The following EML1 variants were observed in gnomAD, a reference collection of about 807,000 sequenced individuals.
EML1 encodes EMAP like 1.
Under a neutral mutation model 110.4 loss-of-function variants are expected in EML1, and 27 were observed. The ratio of observed to expected loss-of-function variants is 0.24; its 90% CI spans 0.18 to 0.34. The LOEUF is 0.34. EML1 is among the 10% of genes least tolerant of loss of function. The pLI, the probability that EML1 is intolerant of heterozygous loss-of-function variation, is 1.00. For synonymous variants in EML1, 344 were observed against 385.8 expected (o/e 0.89, Z 1.27); for missense variants, 741 against 1,030.9 (o/e 0.72, Z 3.85).
chr14:99,871,769 A>G (rs565178796), intron 3 of EML1, among the ~76,000 whole-genome samples: 1 of 152,320 alleles, frequency 6.6e-6, no homozygotes, highest in Admixed American at 6.5e-5. Flanking sequence ...TACTGCCAAA[A>G]TAGTAGTTTC....
intron 1 of EML1, among the ~76,000 whole-genome samples, chr14:99,816,568 A>G (rs2058171442): frequency 6.6e-6 from 1 of 152,232 alleles, no homozygotes; most frequent in South Asian, 2.1e-4. Flanking sequence ...TGCTTCACTC[A>G]GCTCGCCTGG....
At chr14:99,927,647 T>G (rs1244789996) in intron 17 of EML1, among the ~76,000 whole-genome samples, 1 of 151,876 alleles carries the variant, frequency 6.6e-6, no homozygotes, top group Non-Finnish European at 1.5e-5. Flanking sequence ...TACCCAGTGG[T>G]AGAGTTCATA....
At chr14:99,901,910 G>A (rs575951917) in intron 9 of EML1, among the ~76,000 whole-genome samples, 1 of 152,134 alleles carries the variant, frequency 6.6e-6, no homozygotes, top group Non-Finnish European at 1.5e-5. Flanking sequence ...AGTTGCTCTG[G>A]TTCAAATGCC....
At chr14:99,793,842 G>C (rs931740763) in intron 1 of EML1, among the ~76,000 whole-genome samples, 10 of 150,650 alleles carry the variant, frequency 6.6e-5, no homozygotes, top group Non-Finnish European at 1.5e-4. Context: ...GGAGGCGCGT[G>C]GGGCACAGGG....
chr14:99,884,144 G>A (rs2059434708), intron 4 of EML1, among the ~76,000 whole-genome samples: 1 of 152,192 alleles, frequency 6.6e-6, no homozygotes, highest in Non-Finnish European at 1.5e-5. Flanking sequence ...GAGCTGGTCT[G>A]CGGTCGGCTC....
At chr14:99,823,447 G>A (rs1296128451) in intron 1 of EML1, among the ~76,000 whole-genome samples, 4 of 152,050 alleles carry the variant, frequency 2.6e-5, no homozygotes, top group South Asian at 2.1e-4. Flanking sequence ...GGGTCTGGAC[G>A]TCCTCTCTGA....
At chr14:99,903,877 G>A (rs898901345) in intron 9 of EML1, among the ~76,000 whole-genome samples, 9 of 149,518 alleles carry the variant, frequency 6.0e-5, no homozygotes, top group East Asian at 2.0e-4. Flanking sequence ...TCCACCTCCC[G>A]GGTTCAAGCA....
chr14:99,819,343 C>T (rs1218949259), intron 1 of EML1, among the ~76,000 whole-genome samples: 3 of 152,202 alleles, frequency 2.0e-5, no homozygotes, highest in African/African-American at 7.2e-5. Context: ...TGAGCTCACA[C>T]AGACTTTAGG....
intron 2 of EML1, among the ~76,000 whole-genome samples, chr14:99,856,207 T>C (rs2058899718): frequency 6.6e-6 from 1 of 152,242 alleles, no homozygotes; most frequent in Admixed American, 6.5e-5. Context: ...CCGGCTGGCA[T>C]GTTCTTTCTG....
intron 4 of EML1, among the ~76,000 whole-genome samples, chr14:99,890,143 A>G (rs1360712247): frequency 6.6e-6 from 1 of 152,214 alleles, no homozygotes; most frequent in Non-Finnish European, 1.5e-5. Flanking sequence ...ATACACACAC[A>G]CACAAAATGC....
intron 1 of EML1, among the ~76,000 whole-genome samples, chr14:99,744,714 T>C (rs761519976): frequency 6.6e-6 from 1 of 152,254 alleles, no homozygotes; most frequent in African/African-American, 2.4e-5. Context: ...CCCACGGAGT[T>C]GCATTTGCAT....
At chr14:99,760,451 A>G (rs189180871) in intron 1 of EML1, among the ~76,000 whole-genome samples, 50 of 152,290 alleles carry the variant, frequency 3.3e-4, no homozygotes, top group Middle Eastern at 3.4e-3. Context: ...AGTGAAATGT[A>G]CTGGCTTTCG....
intron 4 of EML1, among the ~76,000 whole-genome samples, chr14:99,890,471 C>G (rs1352399550): frequency 6.6e-6 from 1 of 152,200 alleles, no homozygotes; most frequent in African/African-American, 2.4e-5. Context: ...GGCCGCCTCT[C>G]CTTCTGCCCC....
intron 3 of EML1, chr14:99,874,863 A>C (rs950641579): frequency 6.1e-6 from 9 of 1,464,620 alleles, no homozygotes; most frequent in Non-Finnish European, 8.4e-6. Flanking sequence ...TTATCAAAAT[A>C]CTTTTCCACG....
chr14:99,902,976 C>T (rs1316278685), intron 9 of EML1, among the ~76,000 whole-genome samples: 2 of 152,206 alleles, frequency 1.3e-5, no homozygotes, highest in Admixed American at 1.3e-4. Context: ...CCAGTTTCTC[C>T]AGTTGTGTCC....
At chr14:99,801,398 G>T (rs948611465) in intron 1 of EML1, among the ~76,000 whole-genome samples, 4 of 152,130 alleles carry the variant, frequency 2.6e-5, no homozygotes, top group Non-Finnish European at 4.4e-5. Context: ...GGCGGATCAT[G>T]AGGTCAGGAG....
chr14:99,797,109 A>G (rs1276093671), intron 1 of EML1, among the ~76,000 whole-genome samples: 2 of 152,130 alleles, frequency 1.3e-5, no homozygotes, highest in Non-Finnish European at 2.9e-5. Context: ...CAGTCACTCC[A>G]TGTTCCCCCA....
rs1289436840 is a variant in EML1, at chr14:99,939,138, G to A, written c.2192-59G>A. The A allele has an allele frequency of 1.1e-5, 18 of 1,593,874 alleles. No homozygotes were observed. In the Admixed American group the frequency reaches 1.2e-4, roughly 11 times the overall value. On this transcript the variant is annotated intron_variant, in intron 20 of 21. Transcript: ENST00000262233. The surrounding 1 kb of genome is among the most constrained non-coding windows in gnomAD (Gnocchi z 4.2). ...GGACCGTTCAGTGGGCGCTTCCTGC[G>A]CCATGTGGCCCTGTGGCCCCTGGTG... is the stretch of plus-strand genomic sequence containing the variant.
chr14:99,904,198 C>G (rs531011335), intron 9 of EML1, among the ~76,000 whole-genome samples: 1 of 152,272 alleles, frequency 6.6e-6, no homozygotes, highest in Non-Finnish European at 1.5e-5. Flanking sequence ...ACCTGTTGTG[C>G]TTTTATTCCA....
Sources: allele counts gnomAD v4.1 joint callset (sites outside exome capture counted in the v4.1 genomes callset), GRCh38; gene constraint gnomAD v4.1.1; non-coding constraint Gnocchi (gnomAD v3.1); transcripts MANE v1.5; gene names NCBI Gene and HGNC (gene_info 2026-07-23, HGNC 2026-07-21).